The following SULF1 variants were observed in gnomAD, a reference collection of about 807,000 sequenced individuals.
SULF1 encodes the protein sulfatase 1, also known as extracellular sulfatase Sulf-1.
A neutral mutation model predicts 110.5 loss-of-function variants in SULF1; 46 were observed. The ratio of observed to expected loss-of-function variants is 0.42; its 90% CI spans 0.33 to 0.53. The LOEUF is 0.53. Ranked by LOEUF, SULF1 falls within the 20% of genes least tolerant of loss-of-function variation. SULF1 has a pLI of 0.12. For missense variants in SULF1, 941 were observed against 1,094.2 expected, an observed-to-expected ratio of 0.86 and a Z score of 1.98; for synonymous variants, 371 against 387.1, an observed-to-expected ratio of 0.96 and a Z score of 0.49.
intron 13 of SULF1, among the ~76,000 whole-genome samples, chr8:69,614,690 A>G (rs1293491639): frequency 6.6e-6 from 1 of 152,260 alleles, no homozygotes; most frequent in African/African-American, 2.4e-5. Flanking sequence ...TTACCTAACC[A>G]AGTGATTCTG....
At chr8:69,592,142 G>T (rs1014013833) in intron 8 of SULF1, among the ~76,000 whole-genome samples, 1 of 152,142 alleles carries the variant, frequency 6.6e-6, no homozygotes, top group Middle Eastern at 3.2e-3. Flanking sequence ...TAAAATTTCT[G>T]CAGATAATTG....
At chr8:69,577,056 C>G (rs76680996) in intron 6 of SULF1, among the ~76,000 whole-genome samples, 1 of 152,190 alleles carries the variant, frequency 6.6e-6, no homozygotes, top group Non-Finnish European at 1.5e-5. Context: ...GAGCGCCCTA[C>G]GGGCACTTAA....
At chr8:69,644,851 C>T (rs1033073661) in intron 22 of SULF1, among the ~76,000 whole-genome samples, 3 of 152,076 alleles carry the variant, frequency 2.0e-5, no homozygotes. Flanking sequence ...AACAAACCTG[C>T]GCTGTCCTGA....
At chr8:69,591,521 A>G (rs1586490843) in intron 8 of SULF1, among the ~76,000 whole-genome samples, 1 of 151,724 alleles carries the variant, frequency 6.6e-6, no homozygotes, top group African/African-American at 2.4e-5. Context: ...CCGAGATCGC[A>G]CCACTGCACT....
intron 22 of SULF1, among the ~76,000 whole-genome samples, chr8:69,651,899 C>T (rs912498787): frequency 6.6e-6 from 1 of 152,118 alleles, no homozygotes; most frequent in Non-Finnish European, 1.5e-5. Flanking sequence ...GCCTTTAAAA[C>T]AACACAAATT....
chr8:69,467,417 C>T (rs1240491008), intron 1 of SULF1, among the ~76,000 whole-genome samples: 1 of 152,186 alleles, frequency 6.6e-6, no homozygotes, highest in Non-Finnish European at 1.5e-5. Flanking sequence ...TAGATTATGT[C>T]TGATTTATGA....
At chr8:69,652,632 C>T (rs1435734508) in intron 22 of SULF1, among the ~76,000 whole-genome samples, 1 of 152,062 alleles carries the variant, frequency 6.6e-6, no homozygotes, top group East Asian at 1.9e-4. Flanking sequence ...TTAAGTTCAG[C>T]CTAAAGGTTT....
At chr8:69,544,415 T>C (rs947287534) in intron 3 of SULF1, among the ~76,000 whole-genome samples, 35 of 152,108 alleles carry the variant, frequency 2.3e-4, no homozygotes, top group African/African-American at 8.2e-4. Context: ...ATTACAGGCA[T>C]GCGCCACCAC....
chr8:69,574,029 T>A (rs892266657), intron 5 of SULF1, among the ~76,000 whole-genome samples: 1 of 152,128 alleles, frequency 6.6e-6, no homozygotes, highest in Non-Finnish European at 1.5e-5. Flanking sequence ...AGCGACCTCA[T>A]CTGCACCCTT....
intron 1 of SULF1, among the ~76,000 whole-genome samples, chr8:69,471,033 A>G (rs572420233): frequency 1.3e-5 from 2 of 152,188 alleles, no homozygotes; most frequent in East Asian, 1.9e-4. Flanking sequence ...TATCACCTCT[A>G]TATATTCATC....
chr8:69,590,205 A>G (rs561335482), intron 8 of SULF1, among the ~76,000 whole-genome samples: 1 of 152,300 alleles, frequency 6.6e-6, no homozygotes, highest in East Asian at 1.9e-4. Flanking sequence ...TCTGTAACCC[A>G]GGCTGGAGTG....
At chr8:69,562,244 G>T (rs1483052354) in intron 3 of SULF1, among the ~76,000 whole-genome samples, 1 of 152,186 alleles carries the variant, frequency 6.6e-6, no homozygotes. Context: ...GTGTGTGTTT[G>T]TGTAAAACAA....
intron 3 of SULF1, among the ~76,000 whole-genome samples, chr8:69,553,972 A>AT (rs1814905652): frequency 6.6e-6 from 1 of 152,290 alleles, no homozygotes; most frequent in East Asian, 1.9e-4. Context: ...TGCAGCACAC[A>AT]TGTGCTTGAG....
rs868072466 is a variant in SULF1 at position 69,629,571 on chromosome 8, G to A, written c.2176G>A (p.Glu726Lys). Residue 726 changes from glutamate to lysine, a missense_variant, in exon 19 of 23, where the codon GAG (glutamate) becomes AAG (lysine). Transcript: ENST00000402687. ...GGAGAACAACCGTAGGAGGAAGAAG[G>A]AGAGGAAGGAGAAGAGACGGCAGAG... ...FKENNRRRKK[E>K]RKEKRRQRKG... is the part of the protein sequence containing the mutation. The A allele has an allele frequency of 6.2e-7, 1 of 1,614,116 alleles. No individual in the cohort carries two copies. Among genetic ancestry groups the A allele is most frequent in the Non-Finnish European group, 8.5e-7 (1 of 1,179,968 alleles).
chr8:69,521,520 A>G (rs548439544), intron 3 of SULF1, among the ~76,000 whole-genome samples: 10 of 152,302 alleles, frequency 6.6e-5, no homozygotes, highest in Non-Finnish European at 8.8e-5. Flanking sequence ...ATCTTGACGA[A>G]GAATGTTCTA....
At chr8:69,617,408 TATATATATATATATATATATATATATG>T (rs1563592204) in intron 13 of SULF1, among the ~76,000 whole-genome samples, 505 of 81,390 alleles carry the variant, frequency 6.2e-3, no homozygotes, top group African/African-American at 0.018. Flanking sequence ...TATATATATA[TATATATATATATATATATATATATATG>T]TTTTTTTTTT....
At chr8:69,614,850 T>C (rs947568100) in intron 13 of SULF1, among the ~76,000 whole-genome samples, 3 of 152,234 alleles carry the variant, frequency 2.0e-5, no homozygotes, top group Admixed American at 6.5e-5. Context: ...TCACCCATAA[T>C]TGCTGTGCAG....
chr8:69,505,054 A>G (rs1403380989), intron 3 of SULF1, among the ~76,000 whole-genome samples: 1 of 152,162 alleles, frequency 6.6e-6, no homozygotes, highest in Non-Finnish European at 1.5e-5. Context: ...CATCACCTCT[A>G]AATTACATAA....
rs191950130 is a variant in SULF1 at position 69,501,114 on chromosome 8, G to T, written c.-228-760G>T. ...AAAGTATGAAGACTTTAAATGAAAT[G>T]CTTTATTAAACATTAATATTTACAT... On this transcript the variant is annotated intron_variant, in intron 2 of 22. Coordinates refer to ENST00000402687, the MANE Select transcript of SULF1 (RefSeq NM_001128205.2). Among the ~76,000 whole-genome samples the T allele has an allele frequency of 1.9e-3, 284 of 152,252 alleles. 2 individuals are homozygous for T. The highest frequency in any genetic ancestry group is 6.8e-3 in the Middle Eastern group (2 of 294).
Sources: gnomAD v4.1 joint callset for allele counts (sites outside exome capture counted in the v4.1 genomes callset) on GRCh38, gnomAD v4.1.1 for gene constraint, MANE v1.5 for transcripts, NCBI Gene and HGNC (gene_info 2026-07-23, HGNC 2026-07-21) for gene names.